The following CCDC138 variants were observed in gnomAD, a reference collection of about 807,000 sequenced individuals.
The protein encoded by CCDC138 is coiled-coil domain-containing protein 138.
A neutral mutation model predicts 82.3 loss-of-function variants in CCDC138; 66 were observed. That is an observed-to-expected ratio of 0.80 (90% CI 0.66 to 0.98). CCDC138 has a LOEUF of 0.98. Ranked by LOEUF, CCDC138 falls within the 50% of genes least tolerant of loss-of-function variation. The pLI is 0.00. For synonymous variants in CCDC138, 297 were observed against 265.4 expected (o/e 1.12, Z -1.16); for missense variants, 816 against 758.9 (o/e 1.08, Z -0.88).
chr2:108,873,825 C>T (rs1229197063), intron 14 of CCDC138, among the ~76,000 whole-genome samples: 4 of 152,140 alleles, frequency 2.6e-5, no homozygotes, highest in African/African-American at 9.7e-5. Flanking sequence ...CAAAGCCATC[C>T]TGGGCCGCAT....
chr2:108,840,138 T>C (rs1689213170), intron 11 of CCDC138, among the ~76,000 whole-genome samples: 2 of 152,168 alleles, frequency 1.3e-5, no homozygotes, highest in South Asian at 4.1e-4. Flanking sequence ...TTTAACTTGT[T>C]AATATGAATT....
At chr2:108,853,953 AATAT>A (rs963835940) in intron 12 of CCDC138, among the ~76,000 whole-genome samples, 2 of 120,796 alleles carry the variant, frequency 1.7e-5, no homozygotes, top group Admixed American at 1.1e-4. Flanking sequence ...ATATACAATA[AATAT>A]ATATAATAAA....
rs543903002 is a variant in CCDC138 at position 108,873,493 on chromosome 2, T to C, written c.1736T>C (p.Phe579Ser). 6.2e-7 allele frequency: 1 copy of C among 1,608,700 alleles called. No homozygotes were observed. The highest frequency in any genetic ancestry group is 1.3e-5 in the African/African-American group (1 of 74,872). ...CTGGAAGCCTGTAGCAACTCTTTATTTTTTCGTACTTGCTCTGTGCTGCTT... is the reference window on the plus strand; with the variant it reads ...CTGGAAGCCTGTAGCAACTCTTTATCTTTTCGTACTTGCTCTGTGCTGCTT... ...PFLEACSNSL[F>S]FRTCSVLLRA... is the part of the protein sequence containing the mutation. The change falls in exon 14 of 15, where the codon TTT (phenylalanine) becomes TCT (serine). Residue 579 changes from phenylalanine (F) to serine (S), a missense_variant. By Grantham distance (155) the Phe-to-Ser change is radical. Transcript: ENST00000295124.
intron 13 of CCDC138, among the ~76,000 whole-genome samples, chr2:108,861,950 T>G (rs1293994976): frequency 1.3e-5 from 2 of 152,208 alleles, no homozygotes; most frequent in East Asian, 3.9e-4. Flanking sequence ...TTTTGTTGTT[T>G]ACCCAAAAGT....
chr2:108,868,520 C>T (rs1357399522), intron 13 of CCDC138, among the ~76,000 whole-genome samples: 1 of 152,200 alleles, frequency 6.6e-6, no homozygotes, highest in African/African-American at 2.4e-5. Context: ...CTTTCTACCT[C>T]ACCTGTCTCT....
At position 108,791,529 on chromosome 2, in the gene CCDC138, T is replaced by C. The variant is rs759232286; in HGVS notation, c.267-146T>C. ...AGTGACTGTTAGTTTTTACGTTTTT[T>C]CTTTTTACATGTTTACATTTTGCAG... is the stretch of plus-strand genomic sequence containing the variant. On this transcript the variant is annotated intron_variant, in intron 3 of 14. Transcript: ENST00000295124. The C allele has an allele frequency of 4.3e-6, 4 of 930,262 alleles. No homozygotes were observed. In the South Asian group the frequency reaches 5.4e-5, roughly 13 times the overall value. The allele number at this position is 930,262 out of a possible 1,614,324, so 57.6% of individuals were successfully genotyped here.
rs545280618 is a variant in CCDC138, at chr2:108,808,804, C to CTT, written c.855+3796_855+3797insTT. Among the ~76,000 whole-genome samples the CTT allele has an allele frequency of 2.9e-3, 443 of 152,122 alleles. 2 individuals are homozygous for CTT. The highest frequency in any genetic ancestry group is 4.5e-3 in the Non-Finnish European group (309 of 67,956). ...TTTTCTCCTATTCTGCAGGTTGTAT[C>CTT]ATTATTCTTTTTATTGTTTCCAATC... On this transcript the variant is annotated intron_variant, in intron 7 of 14. Transcript: ENST00000295124.
intron 6 of CCDC138, among the ~76,000 whole-genome samples, chr2:108,803,659 G>A (rs1215829157): frequency 1.3e-5 from 2 of 152,276 alleles, no homozygotes; most frequent in Non-Finnish European, 2.9e-5. Flanking sequence ...GAGGCAAAAT[G>A]TTGAGAGAAG....
intron 13 of CCDC138, among the ~76,000 whole-genome samples, chr2:108,861,563 C>T (rs1324560573): frequency 6.7e-6 from 1 of 148,500 alleles, no homozygotes; most frequent in Non-Finnish European, 1.5e-5. Flanking sequence ...TCACTGCAAC[C>T]TCCGCCTCCT....
intron 13 of CCDC138, among the ~76,000 whole-genome samples, chr2:108,867,626 G>A (rs1317726421): frequency 6.6e-6 from 1 of 152,070 alleles, no homozygotes; most frequent in Admixed American, 6.5e-5. Flanking sequence ...AAGGAATGAG[G>A]GTGGACTTGA....
downstream of CCDC138, among the ~76,000 whole-genome samples, chr2:108,877,727 T>A (rs1696123582): frequency 6.6e-6 from 1 of 152,184 alleles, no homozygotes; most frequent in Non-Finnish European, 1.5e-5. Flanking sequence ...AGAAATATAG[T>A]TGAATAAAGA....
At chr2:108,836,616 G>A (rs1191030581) in intron 10 of CCDC138, among the ~76,000 whole-genome samples, 1 of 152,182 alleles carries the variant, frequency 6.6e-6, no homozygotes, top group African/African-American at 2.4e-5. Flanking sequence ...TAGGGATTTT[G>A]GTAGAGATGA....
downstream of CCDC138, among the ~76,000 whole-genome samples, chr2:108,881,499 T>A (rs1696290554): frequency 6.6e-6 from 1 of 152,246 alleles, no homozygotes; most frequent in South Asian, 2.1e-4. Flanking sequence ...TTTAATTTCC[T>A]TTAAGAACTT....
chr2:108,808,881 A>G (rs1222814503), intron 7 of CCDC138, among the ~76,000 whole-genome samples: 5 of 152,084 alleles, frequency 3.3e-5, no homozygotes, highest in Admixed American at 6.5e-5. Flanking sequence ...TCTTATCCAT[A>G]GTATCTTTGC....
chr2:108,787,940 C>T (rs1189055790), intron 1 of CCDC138, 92 bp from the exon 2 acceptor site: 2 of 1,093,742 alleles, frequency 1.8e-6, no homozygotes, highest in Admixed American at 5.7e-5. Context: ...CCACTCTAAC[C>T]TTTGTAATTA....
intron 5 of CCDC138, among the ~76,000 whole-genome samples, chr2:108,797,340 TGGAGG>T (rs1558974387): frequency 6.6e-6 from 1 of 152,054 alleles, no homozygotes; most frequent in African/African-American, 2.4e-5. Context: ...CATTTTAAGT[TGGAGG>T]AAAGAGACGG....
chr2:108,827,924 A>G (rs1574099129), intron 10 of CCDC138, among the ~76,000 whole-genome samples: 1 of 152,152 alleles, frequency 6.6e-6, no homozygotes, highest in South Asian at 2.1e-4. Context: ...CCATATGTAA[A>G]CATATATTAA....
chr2:108,821,936 A>AT (rs1470749852), intron 10 of CCDC138, among the ~76,000 whole-genome samples: 1 of 151,910 alleles, frequency 6.6e-6, no homozygotes, highest in African/African-American at 2.4e-5. Context: ...CTCAAAAAAA[A>AT]AAAAAAAAAG....
chr2:108,797,974 T>A (rs370904151), intron 5 of CCDC138, among the ~76,000 whole-genome samples: 5,689 of 151,778 alleles, frequency 0.037, 149 homozygotes, highest in Non-Finnish European at 0.057. Context: ...TTTTTTTTTT[T>A]TTTTCTCCAG....
Sources: gnomAD v4.1 joint callset for allele counts (sites outside exome capture counted in the v4.1 genomes callset) on GRCh38, gnomAD v4.1.1 for gene constraint, MANE v1.5 for transcripts, NCBI Gene and HGNC (gene_info 2026-07-23, HGNC 2026-07-21) for gene names.